STAP1: variants seen among roughly 807,000 people sequenced by gnomAD.
STAP1 encodes signal transducing adaptor family member 1.
STAP1 carries 30 observed loss-of-function variants against 37.8 expected under a neutral mutation model. That is an observed-to-expected ratio of 0.79 (90% CI 0.59 to 1.08). The LOEUF (loss-of-function observed/expected upper bound fraction) is 1.08, where lower values mean the gene tolerates loss of function less well. STAP1 is among the 50% of genes least tolerant of loss of function. STAP1 has a pLI of 0.00. For synonymous variants in STAP1, 130 were observed against 116.0 expected, an observed-to-expected ratio of 1.12 and a Z score of -0.78; for missense variants, 357 against 349.4, an observed-to-expected ratio of 1.02 and a Z score of -0.17.
chr4:67,564,130 C>T (rs2171386), intron 1 of STAP1, among the ~76,000 whole-genome samples: 32,188 of 151,980 alleles, frequency 0.21, 3,671 homozygotes, highest in Middle Eastern at 0.29. Context: ...AAGATTGTGA[C>T]CTGTAAGTCT....
chr4:67,607,337 A>G lies in STAP1; in HGVS notation c.*980A>G, dbSNP rs753322772. 6.6e-6 allele frequency: 1 copy of G among 152,072 alleles called. No homozygotes were observed. The highest frequency in any genetic ancestry group is 2.4e-5 in the African/African-American group (1 of 41,408). The allele number at this position is 152,072 out of a possible 1,614,324, so 9.4% of individuals were successfully genotyped here. A position where few individuals can be genotyped will look rare whatever the true frequency, so the allele number is the denominator to read the frequency against. ...TGAGAAAATAAATTTGTGTTCCTTA[A>G]TCCACATGGTCTGTGGTATTTGTAA... On this transcript the variant is annotated 3_prime_UTR_variant, in exon 9 of 9. Transcript: ENST00000265404.
At chr4:67,585,419 A>G (rs981915578) in intron 6 of STAP1, among the ~76,000 whole-genome samples, 1 of 152,348 alleles carries the variant, frequency 6.6e-6, no homozygotes, top group African/African-American at 2.4e-5. Context: ...GCCACAGCCC[A>G]ATAAGCTTTA....
intron 2 of STAP1, among the ~76,000 whole-genome samples, chr4:67,572,042 C>T (rs1244184991): frequency 6.6e-6 from 1 of 152,146 alleles, no homozygotes; most frequent in Non-Finnish European, 1.5e-5. Flanking sequence ...ACAATTTTTG[C>T]TCACTTACTA....
At chr4:67,564,181 A>C (rs750316700) in intron 1 of STAP1, among the ~76,000 whole-genome samples, 43 of 152,126 alleles carry the variant, frequency 2.8e-4, no homozygotes, top group Admixed American at 8.5e-4. Context: ...TTAGGTTTGC[A>C]GCTGTGGTTG....
chr4:67,565,406 C>T (rs1048177917), intron 1 of STAP1, among the ~76,000 whole-genome samples: 18 of 152,156 alleles, frequency 1.2e-4, no homozygotes, highest in African/African-American at 4.3e-4. Flanking sequence ...ATATTTCCTC[C>T]TTCTCATACA....
At chr4:67,562,601 TAA>T (rs34000253) in intron 1 of STAP1, among the ~76,000 whole-genome samples, 6 of 117,262 alleles carry the variant, frequency 5.1e-5, no homozygotes, top group African/African-American at 6.6e-5. Context: ...CTGTCTCTAC[TAA>T]AAAAAAAAAA....
In STAP1 at chr4:67,566,697, C is replaced by T. The variant is rs373654162; in HGVS notation, c.121-4387C>T. 1.4e-4 allele frequency among the ~76,000 whole-genome samples: 21 copies of T among 152,274 alleles called. 1 individual carries two copies. Among genetic ancestry groups the T allele is most frequent in the African/African-American group, 3.4e-4 (14 of 41,556 alleles). On this transcript the variant is annotated intron_variant, in intron 1 of 8. Coordinates refer to ENST00000265404, the MANE Select transcript of STAP1 (RefSeq NM_012108.4). ...AATAGATTCGAAAGTAGGTTGGACA[C>T]GGTAGCTCATGCCTGTAATCCCCGC...
At chr4:67,595,460 G>A (rs979474270) in intron 8 of STAP1, among the ~76,000 whole-genome samples, 1 of 150,966 alleles carries the variant, frequency 6.6e-6, no homozygotes, top group African/African-American at 2.4e-5. Flanking sequence ...GAGGCAGCCA[G>A]AAGTTCAAGG....
intron 2 of STAP1, among the ~76,000 whole-genome samples, chr4:67,572,418 A>G (rs977834707): frequency 3.3e-5 from 5 of 152,104 alleles, no homozygotes. Flanking sequence ...TAAGGAGAGT[A>G]TGATCTTTGA....
intron 8 of STAP1, among the ~76,000 whole-genome samples, chr4:67,605,443 T>C (rs1728431459): frequency 1.3e-5 from 2 of 150,718 alleles, no homozygotes; most frequent in Non-Finnish European, 2.9e-5. Flanking sequence ...CAGATTGCTA[T>C]TGGTATATGA....
chr4:67,558,915 C>A lies in STAP1; in HGVS notation c.106C>A (p.Arg36=), dbSNP rs201298373. Reference sequence around the variant, plus strand: ...CTTTGAAGGTTTTTTATTAATCAAGCGGTCAGGATACCGGGTGAGTCTATA... The same window carrying A: ...CTTTGAAGGTTTTTTATTAATCAAGAGGTCAGGATACCGGGTGAGTCTATA... ...LYFEGFLLIK[R]SGYREYEHYW... The change falls in exon 1 of 9, where the codon CGG becomes AGG. Residue 36 remains arginine (R), a synonymous_variant. Coordinates refer to ENST00000265404, the MANE Select transcript of STAP1 (RefSeq NM_012108.4). 3.1e-6 allele frequency: 5 copies of A among 1,612,152 alleles called. No individual in the cohort carries two copies. The highest frequency in any genetic ancestry group is 1.7e-5 in the Admixed American group (1 of 59,826).
Position 67,583,673 on chromosome 4 carries a change from C to A in STAP1, c.630C>A (p.Asn210Lys). 1 of 1,613,740 alleles carries A rather than the reference C, an allele frequency of 6.2e-7. No individual in the cohort carries two copies. Among genetic ancestry groups the A allele is most frequent in the Non-Finnish European group, 8.5e-7 (1 of 1,179,844 alleles). ...MILRPGSDSR[N>K]YSITIRQEID... ...TGAGGCCTGGTAGTGACAGTAGAAA[C>A]TACTCCATCACTATTCGGCAGGAGA... Residue 210 changes from asparagine (N) to lysine (K), a missense_variant, in exon 6 of 9, where the codon AAC becomes AAA. Coordinates refer to ENST00000265404, the MANE Select transcript of STAP1 (RefSeq NM_012108.4).
chr4:67,601,889 C>T (rs1183199320), intron 8 of STAP1, among the ~76,000 whole-genome samples: 2 of 152,082 alleles, frequency 1.3e-5, no homozygotes, highest in African/African-American at 4.8e-5. Context: ...ATATCTTTCT[C>T]TAGATTTGGA....
intron 1 of STAP1, among the ~76,000 whole-genome samples, chr4:67,567,068 T>A (rs370691693): frequency 7.9e-5 from 12 of 152,126 alleles, no homozygotes; most frequent in African/African-American, 2.7e-4. Context: ...GTTATAGCAA[T>A]AACACTTTAC....
At chr4:67,596,265 T>TGTC (rs1291122255) in intron 8 of STAP1, among the ~76,000 whole-genome samples, 2 of 152,300 alleles carry the variant, frequency 1.3e-5, no homozygotes, top group Admixed American at 1.3e-4. Context: ...TGTGAAGACG[T>TGTC]GTCTTGCTTC....
intron 6 of STAP1, among the ~76,000 whole-genome samples, chr4:67,585,216 C>T (rs943622473): frequency 6.6e-6 from 1 of 152,068 alleles, no homozygotes; most frequent in East Asian, 1.9e-4. Flanking sequence ...TTTGCTATTC[C>T]TTATGGGGAT....
At chr4:67,565,412 A>C (rs114978073) in intron 1 of STAP1, among the ~76,000 whole-genome samples, 2 of 152,158 alleles carry the variant, frequency 1.3e-5, no homozygotes, top group Non-Finnish European at 2.9e-5. Flanking sequence ...CCTCCTTCTC[A>C]TACATATTAC....
At chr4:67,600,069 T>C (rs2109877978) in intron 8 of STAP1, among the ~76,000 whole-genome samples, 1 of 152,330 alleles carries the variant, frequency 6.6e-6, no homozygotes, top group South Asian at 2.1e-4. Flanking sequence ...CTTGCTTTTT[T>C]AGTTCTTTAT....
intron 8 of STAP1, 72 bp from the exon 9 acceptor site, chr4:67,606,224 A>T: frequency 7.8e-7 from 1 of 1,278,356 alleles, no homozygotes; most frequent in Non-Finnish European, 1.1e-6. Flanking sequence ...AAATCAACTC[A>T]CTGAAAATAA....
Sources: allele counts gnomAD v4.1 joint callset (sites outside exome capture counted in the v4.1 genomes callset), GRCh38; gene constraint gnomAD v4.1.1; transcripts MANE v1.5; gene names NCBI Gene and HGNC (gene_info 2026-07-23, HGNC 2026-07-21).